Variants in ODR4 observed in about 807,000 individuals in gnomAD.
The protein encoded by ODR4 is protein odr-4 homolog.
A neutral mutation model predicts 60.2 loss-of-function variants in ODR4; 47 were observed. The observed-to-expected ratio is 0.78, with a 90% CI of 0.62 to 1.00. The LOEUF is 1.00. ODR4 is among the 50% of genes least tolerant of loss of function. ODR4 has a pLI of 0.00. For synonymous variants in ODR4, 178 were observed against 175.5 expected (o/e 1.01, Z -0.11); for missense variants, 488 against 530.8 (o/e 0.92, Z 0.79).
intron 6 of ODR4, among the ~76,000 whole-genome samples, 199 bp downstream of exon 6, chr1:186,389,823 T>A (rs1330881143): frequency 2.0e-5 from 3 of 152,348 alleles, no homozygotes; most frequent in East Asian, 1.9e-4. Flanking sequence ...GGTCTCACTC[T>A]CTTGCCCAAG....
In ODR4 at chr1:186,419,387, A is replaced by T. The variant is rs1404313640; in HGVS notation, c.*311A>T. On this transcript the variant is annotated 3_prime_UTR_variant, in exon 14 of 14. Coordinates refer to ENST00000287859, the MANE Select transcript of ODR4 (RefSeq NM_017847.6). ...TATGATCATAGATTTTAGTCTTACT[A>T]ATCTGAATCACATATTAATCAGGAC... 3.0e-6 allele frequency: 1 copy of T among 328,034 alleles called. No individual in the cohort carries two copies. The highest frequency in any genetic ancestry group is 5.7e-6 in the Non-Finnish European group (1 of 174,340). The allele number at this position is 328,034 out of a possible 1,614,324, so 20.3% of individuals were successfully genotyped here. A position where few individuals can be genotyped will look rare whatever the true frequency, so the allele number is the denominator to read the frequency against.
At position 186,398,988 on chromosome 1, in the gene ODR4, A is replaced by G. The variant is rs768186274; in HGVS notation, c.944A>G (p.Asp315Gly). 1 of 1,613,146 alleles carries G rather than the reference A, an allele frequency of 6.2e-7. No homozygotes were observed. Among genetic ancestry groups the G allele is most frequent in the South Asian group, 1.1e-5 (1 of 90,964 alleles). Residue 315 changes from aspartate to glycine, a missense_variant, in exon 11 of 14, where the codon GAT becomes GGT. Coordinates refer to ENST00000287859, the MANE Select transcript of ODR4 (RefSeq NM_017847.6). ...VKRDILNTVA[D>G]RCEMLFEDLL... ...AGGGATATATTGAACACAGTTGCTG[A>G]TCGTTGTGAAATGCTATTTGAGGAT...
the ODR4 span, among the ~76,000 whole-genome samples, chr1:186,432,790 T>G: frequency 6.6e-6 from 1 of 152,010 alleles, no homozygotes; most frequent in Admixed American, 6.6e-5. Context: ...GGCAGATTTT[T>G]TTTTTTTTTT....
chr1:186,403,422 T>C (rs2102067270), intron 11 of ODR4, among the ~76,000 whole-genome samples: 1 of 152,210 alleles, frequency 6.6e-6, no homozygotes, highest in African/African-American at 2.4e-5. Flanking sequence ...ACCAAATTGT[T>C]AGATTTTAGA....
chr1:186,413,291 A>G (rs1419991906), intron 12 of ODR4, among the ~76,000 whole-genome samples: 2 of 152,128 alleles, frequency 1.3e-5, no homozygotes, highest in Non-Finnish European at 2.9e-5. Flanking sequence ...TTTGAAAAAA[A>G]AAATCATTTC....
Position 186,398,420 on chromosome 1 carries a change from C to T in ODR4, c.888C>T (p.Pro296=). The T allele has an allele frequency of 6.2e-7, 1 of 1,605,702 alleles. No homozygotes were observed. ...GAGCTTATATCCACAGCAGTAAACC[C>T]AAAGTTAAAGATGCTGTGCAGGTAC... The part of the protein sequence containing the change: ...KCRAYIHSSK[P]KVKDAVQAVK... Residue 296 remains proline, a synonymous_variant, in exon 10 of 14, where the codon CCC becomes CCT. Transcript: ENST00000287859.
chr1:186,421,751 C>A (rs1661785145), downstream of ODR4, among the ~76,000 whole-genome samples: 1 of 151,584 alleles, frequency 6.6e-6, no homozygotes, highest in Non-Finnish European at 1.5e-5. Context: ...GTAATCCTAG[C>A]TACTCTGGAG....
chr1:186,415,393 A>C (rs190950375), intron 12 of ODR4, among the ~76,000 whole-genome samples: 1 of 152,238 alleles, frequency 6.6e-6, no homozygotes, highest in Non-Finnish European at 1.5e-5. Flanking sequence ...TGTAAATTCA[A>C]CAATAGGCTA....
chr1:186,429,050 G>A, the ODR4 span, among the ~76,000 whole-genome samples: 1 of 152,066 alleles, frequency 6.6e-6, no homozygotes, highest in African/African-American at 2.4e-5. Flanking sequence ...TCTAGGCAAC[G>A]TGATGAAATC....
At chr1:186,431,448 CT>C in the ODR4 span, among the ~76,000 whole-genome samples, 1 of 151,898 alleles carries the variant, frequency 6.6e-6, no homozygotes, top group Non-Finnish European at 1.5e-5. Flanking sequence ...ATTTGGGAGG[CT>C]TATCTAATAG....
At position 186,416,895 on chromosome 1, in the gene ODR4, C is replaced by T. The variant is rs138844450; in HGVS notation, c.1187-649C>T. 1.1e-3 allele frequency among the ~76,000 whole-genome samples: 165 copies of T among 149,328 alleles called. 1 individual carries two copies. Among genetic ancestry groups the T allele is most frequent in the African/African-American group, 3.9e-3 (158 of 40,610 alleles). On this transcript the variant is annotated intron_variant, in intron 12 of 13. Transcript: ENST00000287859. The stretch of plus-strand genomic sequence containing the variant: ...AAAAAAAGTAAATTAATCTCAAGAG[C>T]GAAGTTTACTCTGCTATGAATTTTG...
chr1:186,380,433 A>G (rs904306599), intron 2 of ODR4, among the ~76,000 whole-genome samples: 10 of 152,130 alleles, frequency 6.6e-5, no homozygotes, highest in Non-Finnish European at 1.2e-4. Context: ...GACAAATTCT[A>G]ATTTCCTCTT....
At chr1:186,427,511 C>A in the ODR4 span, among the ~76,000 whole-genome samples, 1 of 152,190 alleles carries the variant, frequency 6.6e-6, no homozygotes, top group Non-Finnish European at 1.5e-5. Flanking sequence ...TTTGCTAATT[C>A]TATCACATCT....
rs1313280597 is a variant in ODR4 at position 186,383,140 on chromosome 1, C to A, written c.218C>A (p.Thr73Lys). 12 of 1,550,102 alleles carry A rather than the reference C, an allele frequency of 7.7e-6. No individual in the cohort carries two copies. The highest frequency in any genetic ancestry group is 1.0e-5 in the Non-Finnish European group (12 of 1,147,052). ...GATAACTTGGATGAAGAATGGGCCA[C>A]AGAACATGCCTGCCAGGTTATCTTA... is the stretch of plus-strand genomic sequence containing the variant. ...KLDNLDEEWA[T>K]EHACQVSRML... is the part of the protein sequence containing the mutation. The change falls in exon 3 of 14, where the codon ACA becomes AAA. Residue 73 changes from threonine to lysine, a missense_variant. By Grantham distance (78) the Thr-to-Lys change is moderately conservative. Coordinates refer to ENST00000287859, the MANE Select transcript of ODR4 (RefSeq NM_017847.6).
chr1:186,394,615 TAA>T (rs1660601240), intron 9 of ODR4, among the ~76,000 whole-genome samples: 1 of 152,184 alleles, frequency 6.6e-6, no homozygotes, highest in Non-Finnish European at 1.5e-5. Context: ...GACAAGGGTA[TAA>T]AATAGCAAAC....
chr1:186,426,767 G>A, the ODR4 span, among the ~76,000 whole-genome samples: 146 of 152,262 alleles, frequency 9.6e-4, 2 homozygotes, highest in African/African-American at 3.5e-3. Flanking sequence ...GTCAAAAAAA[G>A]AAGATTGAAA....
rs1660573832 is a variant in ODR4 at position 186,394,021 on chromosome 1, T to C, written c.780+6T>C. The C allele has an allele frequency of 7.4e-7, 1 of 1,359,692 alleles. No homozygotes were observed. The highest frequency in any genetic ancestry group is 1.0e-6 in the Non-Finnish European group (1 of 983,082). 84.2% of individuals were successfully genotyped at this position (1,359,692 alleles called of 1,614,324 possible). ...TCAGAGTGCTAACGCAGTTGGTAAA[T>C]ATTTTAAAATAACACTTAAAATATT... On this transcript the variant is annotated splice_donor_region_variant and intron_variant, in intron 9 of 13. Coordinates refer to ENST00000287859, the MANE Select transcript of ODR4 (RefSeq NM_017847.6).
rs952411648 is a variant in ODR4, at chr1:186,411,929, T to A, written c.1187-5615T>A. On this transcript the variant is annotated intron_variant, in intron 12 of 13. Transcript: ENST00000287859. ...TTACATGTATGCCATATTAAACTCA[T>A]GGTTTCTAGATGATATTACACATTT... The A allele has an allele frequency of 3.1e-5, 17 of 556,030 alleles. 2 individuals carry two copies. The Admixed American group carries it at 8.3e-4, about 27-fold the overall frequency. 34.4% of individuals were successfully genotyped at this position (556,030 alleles called of 1,614,324 possible). A position where few individuals can be genotyped will look rare whatever the true frequency, so the allele number is the denominator to read the frequency against.
downstream of ODR4, among the ~76,000 whole-genome samples, chr1:186,424,432 G>A (rs139600055): frequency 5.8e-4 from 88 of 152,248 alleles, 1 homozygote; most frequent in East Asian, 7.1e-3. Context: ...AACAATATTA[G>A]TGATACTTTC....
Sources: gnomAD v4.1 joint callset for allele counts (sites outside exome capture counted in the v4.1 genomes callset) on GRCh38, gnomAD v4.1.1 for gene constraint, MANE v1.5 for transcripts, NCBI Gene and HGNC (gene_info 2026-07-23, HGNC 2026-07-21) for gene names.